The following TRRAP variants were observed in gnomAD, a reference collection of about 807,000 sequenced individuals.
The protein encoded by TRRAP is transformation/transcription domain-associated protein.
Under a neutral mutation model 438.8 loss-of-function variants are expected in TRRAP, and 41 were observed. That is an observed-to-expected ratio of 0.09 (90% CI 0.07 to 0.12). The LOEUF (loss-of-function observed/expected upper bound fraction) is 0.12, where lower values mean the gene tolerates loss of function less well. TRRAP is among the 10% of genes least tolerant of loss of function. The probability of loss-of-function intolerance (pLI) is 1.00; values close to 1 mark genes in which losing one functional copy is unlikely to be tolerated. For missense variants in TRRAP, 3,122 were observed against 5,055.1 expected, an observed-to-expected ratio of 0.62 and a Z score of 11.60; for synonymous variants, 1,994 against 1,962.9, an observed-to-expected ratio of 1.02 and a Z score of -0.42.
chr7:98,978,665 T>C (rs1222352308), intron 57 of TRRAP, 104 bp from the exon 58 acceptor site: 2 of 1,489,448 alleles, frequency 1.3e-6, no homozygotes, highest in Non-Finnish European at 1.8e-6. Context: ...TGTGTTGTTC[T>C]TCTGTAGAAT....
At chr7:99,010,008 C>T (rs1018944549) in intron 70 of TRRAP, among the ~76,000 whole-genome samples, 5 of 151,846 alleles carry the variant, frequency 3.3e-5, no homozygotes, top group South Asian at 2.1e-4. Context: ...CTGCCTCAGC[C>T]TCCTGAGTAG....
chr7:98,962,167 A>T, intron 46 of TRRAP, 135 bp from the exon 47 acceptor site: 1 of 1,353,874 alleles, frequency 7.4e-7, no homozygotes, highest in Non-Finnish European at 1.0e-6. Context: ...GGTGAGGCCC[A>T]CACTGTCCTG....
At chr7:98,968,166 A>G (rs1406042076) in intron 51 of TRRAP, among the ~76,000 whole-genome samples, 2 of 152,076 alleles carry the variant, frequency 1.3e-5, no homozygotes, top group African/African-American at 4.8e-5. Context: ...TTATAGGCCC[A>G]TGTAACCACA....
rs965446579 is a variant in TRRAP at position 99,011,071 on chromosome 7, A to G, written c.10958A>G (p.Lys3653Arg). 5 of 1,613,970 alleles carry G rather than the reference A, an allele frequency of 3.1e-6. No individual in the cohort carries two copies. Among genetic ancestry groups the G allele is most frequent in the Non-Finnish European group, 4.2e-6 (5 of 1,179,966 alleles). Residue 3653 changes from lysine to arginine, a missense_variant, in exon 71 of 73, where the codon AAG (lysine) becomes AGG (arginine). Lys to Arg is a conservative substitution (Grantham distance 26). Coordinates refer to ENST00000456197, the MANE Select transcript of TRRAP (RefSeq NM_001375524.1). The surrounding 1 kb of genome is among the most constrained non-coding windows in gnomAD (Gnocchi z 7.1). ...ASHQVLRDIL[K>R]EVQSNMVPRS... is the part of the protein sequence containing the mutation. ...TTTCAGGTCCTCCGCGACATCCTCA[A>G]GGAGGTTCAGAGTAACATGGTGCCG...
chr7:98,993,771 T>A (rs149675477), intron 66 of TRRAP, 34 bp downstream of exon 66: 1,080 of 1,604,582 alleles, frequency 6.7e-4, no homozygotes, highest in Non-Finnish European at 8.8e-4. Context: ...TGGTGGCTCC[T>A]TGTAGAGGGG....
rs782351783 is a variant in TRRAP at position 98,942,899 on chromosome 7, T to C, written c.4405-50T>C. On this transcript the variant is annotated intron_variant, in intron 30 of 72. Transcript: ENST00000456197. ...ATGATTACATAGTAGTTTCCACCAG[T>C]GGAATGCACCTACTGTGAAGTTGTG... 1.2e-5 allele frequency: 20 copies of C among 1,600,098 alleles called. No individual in the cohort carries two copies. The South Asian group carries it at 2.0e-4, about 16-fold the overall frequency.
At chr7:98,894,522 G>T (rs148373986) in intron 6 of TRRAP, among the ~76,000 whole-genome samples, 2 of 151,792 alleles carry the variant, frequency 1.3e-5, no homozygotes, top group East Asian at 3.9e-4. Context: ...ACTTAAAATA[G>T]AAATTAAAAG....
Position 98,881,838 on chromosome 7 carries a change from T to C in TRRAP, c.101-137T>C, listed in dbSNP as rs1219952213. 1.1e-5 allele frequency: 9 copies of C among 851,138 alleles called. No homozygotes were observed. The African/African-American group carries it at 1.5e-4, about 15-fold the overall frequency. 52.7% of individuals were successfully genotyped at this position (851,138 alleles called of 1,614,324 possible). On this transcript the variant is annotated intron_variant, in intron 2 of 72. Coordinates refer to ENST00000456197, the MANE Select transcript of TRRAP (RefSeq NM_001375524.1). ...GCGACTGGTTGTAGGGAACTAGCTATGTGCCTTCTATTAGGCCATGACAGT... is the reference window on the plus strand; with the variant it reads ...GCGACTGGTTGTAGGGAACTAGCTACGTGCCTTCTATTAGGCCATGACAGT...
At position 98,933,422 on chromosome 7, in the gene TRRAP, G is replaced by C. The variant is rs1262386316; in HGVS notation, c.4014+20G>C. The C allele has an allele frequency of 1.5e-5, 24 of 1,608,224 alleles. No individual in the cohort carries two copies. Among genetic ancestry groups the C allele is most frequent in the Non-Finnish European group, 1.8e-5 (21 of 1,177,912 alleles). On this transcript the variant is annotated intron_variant, in intron 27 of 72. Coordinates refer to ENST00000456197, the MANE Select transcript of TRRAP (RefSeq NM_001375524.1). ...ACAGAGGTAGGGGGGTGGTGGTGCG[G>C]AGTGGTGTGGATGGTGATGACGTGT...
Position 98,935,582 on chromosome 7 carries a change from T to C in TRRAP, c.4018T>C (p.Leu1340=). The C allele has an allele frequency of 1.3e-6, 2 of 1,598,456 alleles. No homozygotes were observed. The highest frequency in any genetic ancestry group is 1.1e-5 in the South Asian group (1 of 90,454). The change falls in exon 28 of 73, where the codon TTG becomes CTG. Residue 1340 remains leucine (L), a synonymous_variant. Transcript: ENST00000456197. ...VEHKVFYTEL[L]NLCEAEDSAL... is the part of the protein sequence containing the mutation. ...GAAATTGTTTTATCTTTTGCAGCTGTTGAATTTGTGTGAGGCTGAAGATTC... is the reference window on the plus strand; with the variant it reads ...GAAATTGTTTTATCTTTTGCAGCTGCTGAATTTGTGTGAGGCTGAAGATTC...
At chr7:98,934,396 G>T (rs1554413778) in intron 27 of TRRAP, among the ~76,000 whole-genome samples, 2 of 152,184 alleles carry the variant, frequency 1.3e-5, no homozygotes, top group Non-Finnish European at 2.9e-5. Context: ...ATCTGGCTCT[G>T]ATCTTTATAC....
At chr7:98,880,259 G>GTTGTT (rs574970168) in intron 1 of TRRAP, among the ~76,000 whole-genome samples, 1,408 of 33,516 alleles carry the variant, frequency 0.042, 41 homozygotes, top group Non-Finnish European at 0.097. Context: ...TGTTGTTGTT[G>GTTGTT]TTGTTTTTTT....
chr7:98,966,011 T>C (rs534560443), intron 49 of TRRAP, 116 bp downstream of exon 49: 4 of 1,167,732 alleles, frequency 3.4e-6, no homozygotes, highest in Non-Finnish European at 4.9e-6. Context: ...GTAATTGCAC[T>C]CACAGCATCT....
chr7:98,893,434 A>G (rs1554405249), intron 5 of TRRAP, among the ~76,000 whole-genome samples: 3 of 152,242 alleles, frequency 2.0e-5, no homozygotes. Context: ...GAGCATTTGT[A>G]AGGTGCTTAG....
intron 48 of TRRAP, among the ~76,000 whole-genome samples, chr7:98,965,284 T>C (rs1792102290): frequency 6.6e-6 from 1 of 152,044 alleles, no homozygotes. Flanking sequence ...TTAATCAGAG[T>C]TGCTGGTTCT....
chr7:98,888,987 C>T (rs1795843874), intron 3 of TRRAP, among the ~76,000 whole-genome samples: 1 of 145,958 alleles, frequency 6.9e-6, no homozygotes, highest in Non-Finnish European at 1.5e-5. Flanking sequence ...AAGCATTAAA[C>T]AAGAAAAAGG....
intron 69 of TRRAP, among the ~76,000 whole-genome samples, chr7:99,006,733 C>A (rs952753539): frequency 6.6e-5 from 10 of 152,258 alleles, no homozygotes; most frequent in Non-Finnish European, 1.3e-4. Flanking sequence ...CAGGCTTAAT[C>A]TGCCATCTTC....
intron 67 of TRRAP, chr7:98,999,490 G>A (rs1284207855): frequency 1.6e-5 from 12 of 769,280 alleles, no homozygotes; most frequent in East Asian, 2.5e-5. Flanking sequence ...AGAACTTATC[G>A]TGAGCTCAGA....
chr7:98,967,588 G>A lies in TRRAP; in HGVS notation c.7402G>A (p.Val2468Ile). The A allele has an allele frequency of 1.2e-6, 2 of 1,614,096 alleles. No individual in the cohort carries two copies. Among genetic ancestry groups the A allele is most frequent in the South Asian group, 2.2e-5 (2 of 91,076 alleles). The change falls in exon 51 of 73, where the codon GTT becomes ATT. Residue 2468 changes from valine to isoleucine, a missense_variant. Val to Ile is a conservative substitution (Grantham distance 29, BLOSUM62 3). Coordinates refer to ENST00000456197, the MANE Select transcript of TRRAP (RefSeq NM_001375524.1). ...ACTCATCAGGGCAAAGTTTTTCGAG[G>A]TTTTTGACAACTCCATGAAACGTCG... Reference protein sequence around the residue: ...QPLIRAKFFEVFDNSMKRRVY... With the variant: ...QPLIRAKFFEIFDNSMKRRVY...
Sources: allele counts gnomAD v4.1 joint callset (sites outside exome capture counted in the v4.1 genomes callset), GRCh38; gene constraint gnomAD v4.1.1; non-coding constraint Gnocchi (gnomAD v3.1); transcripts MANE v1.5; gene names NCBI Gene and HGNC (gene_info 2026-07-23, HGNC 2026-07-21).